Variants in PLB1 observed in about 807,000 individuals in gnomAD.
PLB1 encodes phospholipase B1, membrane-associated.
PLB1 carries 242 observed loss-of-function variants against 227.4 expected under a neutral mutation model. That is an observed-to-expected ratio of 1.06 (90% CI 0.96 to 1.18). The LOEUF (loss-of-function observed/expected upper bound fraction) is 1.18. Among genes scored for constraint, PLB1 ranks in the 50% most tolerant of loss-of-function variants. PLB1 has a pLI of 0.00. For missense variants in PLB1, 1,858 were observed against 1,816.3 expected (o/e 1.02, Z -0.42); for synonymous variants, 757 against 682.2 (o/e 1.11, Z -1.71).
rs1231274525 is a variant in PLB1, at chr2:28,620,691, G to T, written c.3427+48G>T. ...ACCATCACTGTGGCCGTCCTCCCTG[G>T]GGCCAGGGCCTTCCTGCTGGAGGAG... On this transcript the variant is annotated intron_variant, in intron 48 of 57. Transcript: ENST00000327757. 2.5e-6 allele frequency: 4 copies of T among 1,608,978 alleles called. 1 individual carries two copies. In the South Asian group the frequency reaches 4.4e-5, roughly 18 times the overall value.
intron 40 of PLB1, 60 bp downstream of exon 40, chr2:28,604,107 C>A: frequency 6.8e-7 from 1 of 1,477,412 alleles, no homozygotes; most frequent in Non-Finnish European, 9.5e-7. Context: ...TAACACACAG[C>A]CCAGAGCCCC....
At chr2:28,593,934 T>A (rs1682440393) in intron 33 of PLB1, 180 bp downstream of exon 33, 2 of 744,758 alleles carry the variant, frequency 2.7e-6, no homozygotes, top group Admixed American at 2.0e-5. Context: ...GAGGATATTT[T>A]ACTGTTGATA....
chr2:28,636,031 G>GTA (rs1558975441), intron 56 of PLB1, among the ~76,000 whole-genome samples: 6 of 124,976 alleles, frequency 4.8e-5, no homozygotes, highest in Non-Finnish European at 9.0e-5. Flanking sequence ...GTGTGTGTAT[G>GTA]TGTGTGTGTG....
chr2:28,555,863 CT>C (rs57277349), intron 17 of PLB1, among the ~76,000 whole-genome samples: 429 of 128,152 alleles, frequency 3.3e-3, no homozygotes, highest in African/African-American at 8.9e-3. Context: ...AGTTACTTTC[CT>C]TTTTTTTTTT....
chr2:28,605,921 G>T lies in PLB1; in HGVS notation c.3030G>T (p.Gln1010His). The change falls in exon 42 of 58, where the codon CAG becomes CAT. Residue 1010 changes from glutamine (Q) to histidine (H), a missense_variant. By Grantham distance (24) the Gln-to-His change is conservative. Transcript: ENST00000327757. Reference sequence around the variant, plus strand: ...ACCCAAATCAGAAATTCCACTCCCAGCTGGCCAGAGCCCTTTGGACCAATA... The same window carrying T: ...ACCCAAATCAGAAATTCCACTCCCATCTGGCCAGAGCCCTTTGGACCAATA... ...CIHPNQKFHS[Q>H]LARALWTNML... The T allele has an allele frequency of 6.2e-7, 1 of 1,613,244 alleles. No homozygotes were observed. Among genetic ancestry groups the T allele is most frequent in the Non-Finnish European group, 8.5e-7 (1 of 1,179,224 alleles).
At chr2:28,550,558 G>A (rs1409540484) in intron 16 of PLB1, among the ~76,000 whole-genome samples, 5 of 148,256 alleles carry the variant, frequency 3.4e-5, no homozygotes, top group East Asian at 4.0e-4. Flanking sequence ...GGAGGAGGGC[G>A]GGGACAGAAT....
chr2:28,589,101 G>A (rs559450176), intron 26 of PLB1, among the ~76,000 whole-genome samples: 1 of 152,102 alleles, frequency 6.6e-6, no homozygotes, highest in East Asian at 1.9e-4. Context: ...GGAGGCGGAG[G>A]TTGCAGTGAG....
intron 13 of PLB1, among the ~76,000 whole-genome samples, chr2:28,542,603 G>T (rs932661015): frequency 6.6e-6 from 1 of 152,156 alleles, no homozygotes; most frequent in Non-Finnish European, 1.5e-5. Flanking sequence ...AGGGATGCCA[G>T]CTCTTGTCCC....
Position 28,582,065 on chromosome 2 carries a change from C to T in PLB1, c.1567-3C>T. 1 of 1,612,354 alleles carries T rather than the reference C, an allele frequency of 6.2e-7. No individual in the cohort carries two copies. The highest frequency in any genetic ancestry group is 2.2e-5 in the East Asian group (1 of 44,858). ...GTTCAAGGGACACTTCCTCTTCCTG[C>T]AGGTCCACTATTCTCCCCAGAACTT... On this transcript the variant is annotated splice_polypyrimidine_tract_variant and splice_region_variant and intron_variant, in intron 23 of 57. Coordinates refer to ENST00000327757, the MANE Select transcript of PLB1 (RefSeq NM_153021.5).
At chr2:28,519,845 A>C in intron 4 of PLB1, 82 bp downstream of exon 4, 1 of 1,077,748 alleles carries the variant, frequency 9.3e-7, no homozygotes, top group Non-Finnish European at 1.4e-6. Flanking sequence ...AACTGGGCAG[A>C]ACGTTTCATT....
At chr2:28,573,748 C>T (rs983141447) in intron 21 of PLB1, among the ~76,000 whole-genome samples, 2 of 152,188 alleles carry the variant, frequency 1.3e-5, no homozygotes, top group Non-Finnish European at 1.5e-5. Context: ...GCCCTGAGTA[C>T]GAGCCCGGTT....
chr2:28,542,430 T>G (rs1424763288), intron 13 of PLB1, among the ~76,000 whole-genome samples: 8 of 152,078 alleles, frequency 5.3e-5, no homozygotes, highest in African/African-American at 1.9e-4. Context: ...GACAAGGTGT[T>G]GAACTCTGTT....
At chr2:28,581,410 G>A (rs1433918897) in intron 23 of PLB1, among the ~76,000 whole-genome samples, 1 of 150,054 alleles carries the variant, frequency 6.7e-6, no homozygotes, top group Non-Finnish European at 1.5e-5. Context: ...ACATCCCCAT[G>A]TTAGAGGGGC....
At position 28,538,338 on chromosome 2, in the gene PLB1, G is replaced by A; in HGVS notation, c.575G>A (p.Gly192Asp). ...SAQQNGLAAG[G>D]VDELMGVLDY... ...TCACAGAATGGGCTTGCGGCGGGCG[G>A]CGTGGATGAGCTGATGGGGGTGCTG... The change falls in exon 10 of 58, where the codon GGC (glycine) becomes GAC (aspartate). Residue 192 changes from glycine to aspartate, a missense_variant. Transcript: ENST00000327757. The A allele has an allele frequency of 6.2e-7, 1 of 1,613,270 alleles. No individual in the cohort carries two copies. The highest frequency in any genetic ancestry group is 8.5e-7 in the Non-Finnish European group (1 of 1,179,878).
intron 43 of PLB1, among the ~76,000 whole-genome samples, chr2:28,608,837 T>C (rs758920363): frequency 2.6e-5 from 4 of 152,180 alleles, no homozygotes; most frequent in Non-Finnish European, 5.9e-5. Flanking sequence ...TTGCCTTTAA[T>C]GACCCTCCTC....
rs771626149 is a variant in PLB1 at position 28,589,691 on chromosome 2, A to G, written c.1937A>G (p.Asn646Ser). ...GGTGACCAGGAAGGATTGCCTGACA[A>G]CTCTTTCTTCGCTCCTGACTGTTTC... ...MPKTSEGLPD[N>S]SFFAPDCFHF... Residue 646 changes from asparagine (N) to serine (S), a missense_variant, in exon 28 of 58, where the codon AAC (asparagine) becomes AGC (serine). Transcript: ENST00000327757. 1 of 1,613,878 alleles carries G rather than the reference A, an allele frequency of 6.2e-7. No homozygotes were observed. The highest frequency in any genetic ancestry group is 1.1e-5 in the South Asian group (1 of 91,074).
At chr2:28,619,517 AG>A (rs368338061) in intron 46 of PLB1, among the ~76,000 whole-genome samples, 3 of 120,894 alleles carry the variant, frequency 2.5e-5, no homozygotes, top group African/African-American at 1.0e-4. Flanking sequence ...GTAAATTTCA[AG>A]GTTTTGTTTT....
intron 9 of PLB1, among the ~76,000 whole-genome samples, chr2:28,535,406 G>C (rs949998743): frequency 6.6e-6 from 1 of 152,176 alleles, no homozygotes; most frequent in African/African-American, 2.4e-5. Context: ...GTGGCTCCTA[G>C]GCCTGGCTCC....
intron 25 of PLB1, among the ~76,000 whole-genome samples, chr2:28,583,338 C>T (rs1238607955): frequency 6.6e-6 from 1 of 152,088 alleles, no homozygotes; most frequent in Non-Finnish European, 1.5e-5. Flanking sequence ...GGCACACCAC[C>T]ATGCCCAGCT....
Sources: allele counts gnomAD v4.1 joint callset (sites outside exome capture counted in the v4.1 genomes callset), GRCh38; gene constraint gnomAD v4.1.1; transcripts MANE v1.5; gene names NCBI Gene and HGNC (gene_info 2026-07-23, HGNC 2026-07-21).